The following GABRE variants were observed in gnomAD, a reference collection of about 807,000 sequenced individuals.
The protein encoded by GABRE is gamma-aminobutyric acid receptor subunit epsilon.
GABRE carries 20 observed loss-of-function variants against 31.0 expected under a neutral mutation model. The observed-to-expected ratio is 0.64, with a 90% confidence interval of 0.45 to 0.94. GABRE has a LOEUF of 0.94. Ranked by LOEUF, GABRE falls within the 40% of genes least tolerant of loss-of-function variation. The probability of loss-of-function intolerance (pLI) is 0.00; values close to 1 mark genes in which losing one functional copy is unlikely to be tolerated. For synonymous variants in GABRE, 155 were observed against 150.6 expected (o/e 1.03, Z -0.21); for missense variants, 420 against 410.7 (o/e 1.02, Z -0.20).
intron 4 of GABRE, 128 bp from the exon 5 acceptor site, chrX:151,961,493 TCTCA>T: frequency 2.2e-6 from 1 of 461,852 alleles, no homozygotes. Context: ...TGAGACAGAG[TCTCA>T]CTCTGTCACC....
At position 151,953,444 on chromosome X, in the gene GABRE, G is replaced by A. The variant is rs1269790166; in HGVS notation, c.*1257C>T. On this transcript the variant is annotated 3_prime_UTR_variant, in exon 9 of 9. Coordinates refer to ENST00000370328, the MANE Select transcript of GABRE (RefSeq NM_004961.4). ...ACTGAGCTGTCTAGCCCTATCATGT[G>A]GTCTAGAAGGTGACAGTGGGCTCTT... 9.0e-6 allele frequency: 1 copy of A among 111,653 alleles called. No individual in the cohort carries two copies. The allele number at this position is 111,653 out of a possible 1,213,427, so 9.2% of individuals were successfully genotyped here.
At chrX:151,967,294 C>G (rs1934553384) in intron 3 of GABRE, among the ~76,000 whole-genome samples, 1 of 112,123 alleles carries the variant, frequency 8.9e-6, no homozygotes, top group South Asian at 3.7e-4. Context: ...CTTAGTCAGC[C>G]AAAGGAGCAG....
intron 6 of GABRE, chrX:151,957,490 C>A (rs1383877601): frequency 1.2e-5 from 4 of 330,778 alleles, no homozygotes; most frequent in Non-Finnish European, 2.4e-5. Context: ...ATCTTGACTG[C>A]AATTTAAGAC....
intron 6 of GABRE, chrX:151,958,847 C>T: frequency 3.7e-6 from 1 of 267,640 alleles, no homozygotes; most frequent in Non-Finnish European, 7.1e-6. Flanking sequence ...GGTAGCCCAG[C>T]CCTCTGCCCC....
intron 6 of GABRE, 64 bp from the exon 7 acceptor site, chrX:151,955,924 G>A (rs1168384473): frequency 1.2e-5 from 13 of 1,091,912 alleles, no homozygotes; most frequent in African/African-American, 7.3e-5. Flanking sequence ...TTAGCAGGAC[G>A]TGAACAGTAA....
rs1291616625 is a variant in GABRE, at chrX:151,955,469, T to C, written c.1036A>G (p.Ile346Val). The stretch of plus-strand genomic sequence containing the variant: ...GCGCAGAAGCAGAAGACGAAGCAGA[T>C]GGCGATATAGAAATCCAAGGCTGTG... The part of the protein sequence containing the change: ...YITALDFYIA[I>V]CFVFCFCALL... Residue 346 changes from isoleucine to valine, a missense_variant, in exon 8 of 9, where the codon ATC (isoleucine) becomes GTC (valine). By Grantham distance (29) the Ile-to-Val change is conservative. Coordinates refer to ENST00000370328, the MANE Select transcript of GABRE (RefSeq NM_004961.4). 1 of 1,211,594 alleles carries C rather than the reference T, an allele frequency of 8.3e-7. No individual in the cohort carries two copies. The highest frequency in any genetic ancestry group is 1.1e-6 in the Non-Finnish European group (1 of 895,180).
In GABRE at chrX:151,953,691, C is replaced by T. The variant is rs879117170; in HGVS notation, c.*1010G>A. On this transcript the variant is annotated 3_prime_UTR_variant, in exon 9 of 9. Transcript: ENST00000370328. ...GATGGTTAGAGTGCCCCGGGTATAA[C>T]AGTGGACTGGTTTATGGGTCCAGGG... The T allele has an allele frequency of 7.1e-5, 8 of 112,243 alleles. No homozygotes were observed. The highest frequency in any genetic ancestry group is 2.3e-4 in the African/African-American group (7 of 30,904). 9.3% of individuals were successfully genotyped at this position (112,243 alleles called of 1,213,427 possible). A position where few individuals can be genotyped will look rare whatever the true frequency, so the allele number is the denominator to read the frequency against.
chrX:151,964,298 A>T, intron 3 of GABRE, among the ~76,000 whole-genome samples: 1 of 111,716 alleles, frequency 9.0e-6, no homozygotes. Context: ...GCTGACATTG[A>T]CACCCTCCCT....
chrX:151,965,276 C>T (rs893509781), intron 3 of GABRE, among the ~76,000 whole-genome samples: 8 of 111,749 alleles, frequency 7.2e-5, no homozygotes, highest in Admixed American at 5.7e-4. Flanking sequence ...AAATAAGCAC[C>T]TGTAACCTCT....
chrX:151,957,668 G>C (rs1029460358), intron 6 of GABRE: 2 of 240,479 alleles, frequency 8.3e-6, no homozygotes, highest in Non-Finnish European at 1.5e-5. Flanking sequence ...TGTCTTGAAG[G>C]ACAAGAGAAA....
chrX:151,959,492 C>T (rs778283185), intron 6 of GABRE: 13 of 340,321 alleles, frequency 3.8e-5, no homozygotes, highest in Middle Eastern at 1.1e-3. Context: ...AGAACTCACA[C>T]GAGCTCCATT....
In GABRE at chrX:151,954,387, G is replaced by A. The variant is rs1257067911; in HGVS notation, c.*314C>T. 4.4e-6 allele frequency: 1 copy of A among 224,730 alleles called. No homozygotes were observed. The highest frequency in any genetic ancestry group is 8.0e-6 in the Non-Finnish European group (1 of 125,493). 18.5% of individuals were successfully genotyped at this position (224,730 alleles called of 1,213,427 possible). A position where few individuals can be genotyped will look rare whatever the true frequency, so the allele number is the denominator to read the frequency against. ...AGATAGCTAATCCGCCTGTACTTAG[G>A]CATGGTTTTAGGGAGCTGATCACTA... On this transcript the variant is annotated 3_prime_UTR_variant, in exon 9 of 9. Coordinates refer to ENST00000370328, the MANE Select transcript of GABRE (RefSeq NM_004961.4).
chrX:151,958,927 A>G (rs1934266148), intron 6 of GABRE: 1 of 312,178 alleles, frequency 3.2e-6, no homozygotes, highest in Non-Finnish European at 6.3e-6. Flanking sequence ...AGACTGACTC[A>G]ATAAATGAAA....
In GABRE at chrX:151,970,241, C is replaced by T. The variant is rs752130096; in HGVS notation, c.218G>A (p.Arg73His). Residue 73 changes from arginine to histidine, a missense_variant, in exon 2 of 9, where the codon CGC becomes CAC. By Grantham distance (29) the Arg-to-His change is conservative. Coordinates refer to ENST00000370328, the MANE Select transcript of GABRE (RefSeq NM_004961.4). The stretch of plus-strand genomic sequence containing the variant: ...ATTACTCAGGATAGTGTTCAGGATG[C>T]GAGAGGCTTCTGGCAGTTTGCCAAC... ...SRVGKLPEAS[R>H]ILNTILSNYD... The T allele has an allele frequency of 1.3e-5, 16 of 1,210,474 alleles. No homozygotes were observed. The South Asian group carries it at 1.4e-4, about 11-fold the overall frequency.
At chrX:151,965,750 C>T (rs2266854) in intron 3 of GABRE, among the ~76,000 whole-genome samples, 41,051 of 112,043 alleles carry the variant, frequency 0.37, 5,682 homozygotes, top group East Asian at 0.48. Context: ...CAAGAAAATC[C>T]CTGATTGCCT....
At chrX:151,973,890 G>C (rs1442268656) in intron 1 of GABRE, among the ~76,000 whole-genome samples, 3 of 111,076 alleles carry the variant, frequency 2.7e-5, no homozygotes, top group Non-Finnish European at 5.7e-5. Flanking sequence ...GCCCAGCAGG[G>C]TGTCTAGGGA....
At position 151,953,778 on chromosome X, in the gene GABRE, A is replaced by C. The variant is rs1227530226; in HGVS notation, c.*923T>G. On this transcript the variant is annotated 3_prime_UTR_variant, in exon 9 of 9. Transcript: ENST00000370328. ...GGTGGGCACCAATCAATGGCGAGTA[A>C]TGCCTGTTGCAAAGCCGAGTTTCCT... 1 of 111,748 alleles carries C rather than the reference A, an allele frequency of 8.9e-6. No individual in the cohort carries two copies. The highest frequency in any genetic ancestry group is 3.3e-5 in the African/African-American group (1 of 30,653). The allele number at this position is 111,748 out of a possible 1,213,427, so 9.2% of individuals were successfully genotyped here.
intron 1 of GABRE, among the ~76,000 whole-genome samples, chrX:151,974,221 G>A (rs1324654958): frequency 8.9e-6 from 1 of 111,929 alleles, no homozygotes; most frequent in East Asian, 2.8e-4. Flanking sequence ...GTCACCCCGG[G>A]GCCGCTCCCC....
At chrX:151,972,016 T>C in intron 1 of GABRE, 2 of 750,534 alleles carry the variant, frequency 2.7e-6, no homozygotes, top group Non-Finnish European at 3.1e-6. Flanking sequence ...TGTCTATGCT[T>C]TTCTACTGGC....
Sources: gnomAD v4.1 joint callset for allele counts (sites outside exome capture counted in the v4.1 genomes callset) on GRCh38, gnomAD v4.1.1 for gene constraint, MANE v1.5 for transcripts, NCBI Gene and HGNC (gene_info 2026-07-23, HGNC 2026-07-21) for gene names.